ANK1: variants seen among roughly 807,000 people sequenced by gnomAD.
The protein encoded by ANK1 is ankyrin 1.
Under a neutral mutation model 210.4 loss-of-function variants are expected in ANK1, and 51 were observed. The observed-to-expected ratio is 0.24, with a 90% CI of 0.19 to 0.31. The LOEUF (loss-of-function observed/expected upper bound fraction) is 0.31. ANK1 is among the 10% of genes least tolerant of loss of function. The probability of loss-of-function intolerance (pLI) is 1.00; values close to 1 mark genes in which losing one functional copy is unlikely to be tolerated. For missense variants in ANK1, 2,051 were observed against 2,504.4 expected (o/e 0.82, Z 3.86); for synonymous variants, 967 against 1,025.9 (o/e 0.94, Z 1.10).
chr8:41,852,634 T>G (rs1811471737), intron 1 of ANK1, among the ~76,000 whole-genome samples: 1 of 152,202 alleles, frequency 6.6e-6, no homozygotes, highest in Admixed American at 6.5e-5. Flanking sequence ...ACAATCTCAT[T>G]TCATCCCTTA....
intron 1 of ANK1, among the ~76,000 whole-genome samples, chr8:41,763,441 A>T (rs1840914893): frequency 6.6e-6 from 1 of 152,114 alleles, no homozygotes; most frequent in African/African-American, 2.4e-5. Flanking sequence ...GAGGTGATGA[A>T]ACTGAGGTTT....
chr8:41,672,995 A>C (rs1436306973), intron 37 of ANK1, 83 bp from the exon 38 acceptor site: 10 of 1,382,220 alleles, frequency 7.2e-6, no homozygotes, highest in African/African-American at 7.2e-5. Context: ...CACACGCACG[A>C]ACACACACAT....
intron 23 of ANK1, among the ~76,000 whole-genome samples, chr8:41,698,883 G>A (rs1010006813): frequency 3.3e-5 from 5 of 151,962 alleles, no homozygotes; most frequent in East Asian, 1.9e-4. Flanking sequence ...TACAACCTCC[G>A]CCTCCCGGGT....
chr8:41,861,095 G>A (rs1435092496), intron 1 of ANK1, among the ~76,000 whole-genome samples: 1 of 152,204 alleles, frequency 6.6e-6, no homozygotes, highest in African/African-American at 2.4e-5. Flanking sequence ...GTGTGGCTGA[G>A]GATGAGGGCT....
intron 1 of ANK1, among the ~76,000 whole-genome samples, chr8:41,863,410 G>A (rs1459164229): frequency 6.6e-6 from 1 of 151,922 alleles, no homozygotes; most frequent in Non-Finnish European, 1.5e-5. Context: ...TTTCATTATA[G>A]AGAAATTAGA....
intron 23 of ANK1, among the ~76,000 whole-genome samples, chr8:41,698,557 A>C (rs1821760455): frequency 6.6e-6 from 1 of 152,102 alleles, no homozygotes; most frequent in Non-Finnish European, 1.5e-5. Flanking sequence ...TTCAGAAAAC[A>C]CCTAGGGCTC....
At chr8:41,848,003 G>A (rs1291678085) in intron 1 of ANK1, among the ~76,000 whole-genome samples, 1 of 151,956 alleles carries the variant, frequency 6.6e-6, no homozygotes, top group East Asian at 1.9e-4. Flanking sequence ...TGGCCAACAT[G>A]GTAAAACTCT....
At chr8:41,758,668 G>T (rs1316617301) in intron 1 of ANK1, among the ~76,000 whole-genome samples, 2 of 152,030 alleles carry the variant, frequency 1.3e-5, no homozygotes, top group East Asian at 1.9e-4. Flanking sequence ...ATAAGCAAAC[G>T]TTCTTGGCTT....
intron 8 of ANK1, 49 bp from the exon 9 acceptor site, chr8:41,723,272 A>G: frequency 6.3e-7 from 1 of 1,590,502 alleles, no homozygotes. Flanking sequence ...CAGCTATCAG[A>G]GGCCATTTGG....
intron 2 of ANK1, among the ~76,000 whole-genome samples, chr8:41,749,776 C>T (rs1272581885): frequency 6.6e-6 from 1 of 152,016 alleles, no homozygotes; most frequent in African/African-American, 2.4e-5. Context: ...CAACGCTTGG[C>T]TAATTTTGTA....
At position 41,679,707 on chromosome 8, in the gene ANK1, C is replaced by T. The variant is rs1025285595; in HGVS notation, c.4537+4837G>A. On this transcript the variant is annotated intron_variant, in intron 37 of 42. Coordinates refer to ENST00000289734, the MANE Select transcript of ANK1 (RefSeq NM_000037.4). ...CCTCCCGAGTAGCTGGGACTACAGG[C>T]GCCCACCATCACGCCAGGCTAATTT... Among the ~76,000 whole-genome samples the T allele has an allele frequency of 5.3e-5, 8 of 150,778 alleles. No homozygotes were observed. The East Asian group carries it at 5.9e-4, about 11-fold the overall frequency.
At position 41,686,146 on chromosome 8, in the gene ANK1, A is replaced by G. The variant is rs1817628758; in HGVS notation, c.4390+6T>C. The G allele has an allele frequency of 6.2e-7, 1 of 1,614,092 alleles. No homozygotes were observed. Among genetic ancestry groups the G allele is most frequent in the South Asian group, 1.1e-5 (1 of 91,084 alleles). ...GGACAGGCTTCCTCAGTGGGACGGT[A>G]CTGACTGTTTGCGTTTTGGCCTTCA... On this transcript the variant is annotated splice_donor_region_variant and intron_variant, in intron 36 of 42. Coordinates refer to ENST00000289734, the MANE Select transcript of ANK1 (RefSeq NM_000037.4).
intron 1 of ANK1, among the ~76,000 whole-genome samples, chr8:41,864,229 G>C (rs1167590254): frequency 7.3e-6 from 1 of 137,438 alleles, no homozygotes; most frequent in Non-Finnish European, 1.5e-5. Flanking sequence ...CAGCCTGGGT[G>C]ACAGAGTGAG....
chr8:41,728,957 C>T (rs556957921), intron 3 of ANK1, among the ~76,000 whole-genome samples: 2 of 152,154 alleles, frequency 1.3e-5, no homozygotes, highest in Non-Finnish European at 1.5e-5. Flanking sequence ...GGCCTGGGAG[C>T]GCCAGGAAAG....
chr8:41,663,744 T>G lies in ANK1; in HGVS notation c.5395-2A>C, dbSNP rs949308336. 14 of 1,611,976 alleles carry G rather than the reference T, an allele frequency of 8.7e-6. No homozygotes were observed. The highest frequency in any genetic ancestry group is 1.1e-5 in the Non-Finnish European group (13 of 1,178,104). ...TGGAATATTCTGAAACTCATTCCCC[T>G]GGAATTAGAGAAAGGGAGAAAATGC... On this transcript the variant is annotated splice_acceptor_variant, in intron 39 of 42. Transcript: ENST00000289734. LOFTEE classifies it high-confidence loss of function.
intron 6 of ANK1, among the ~76,000 whole-genome samples, 167 bp from the exon 7 acceptor site, chr8:41,724,721 C>G (rs1321624676): frequency 6.6e-6 from 1 of 152,132 alleles, no homozygotes; most frequent in Non-Finnish European, 1.5e-5. Context: ...CTTTATGGCA[C>G]AGTGTATTCA....
At chr8:41,747,888 G>A (rs1836583564) in intron 2 of ANK1, among the ~76,000 whole-genome samples, 1 of 152,180 alleles carries the variant, frequency 6.6e-6, no homozygotes, top group South Asian at 2.1e-4. Context: ...TTCCTTGGCT[G>A]CAGAGGAAGG....
chr8:41,721,452 T>A (rs954983107), intron 9 of ANK1, among the ~76,000 whole-genome samples: 1 of 151,780 alleles, frequency 6.6e-6, no homozygotes, highest in African/African-American at 2.4e-5. Context: ...AGGCCAGGAG[T>A]TCGAGACCAG....
At chr8:41,827,465 C>T (rs1249494211) in intron 1 of ANK1, among the ~76,000 whole-genome samples, 1 of 152,180 alleles carries the variant, frequency 6.6e-6, no homozygotes, top group Non-Finnish European at 1.5e-5. Context: ...GAGATGCAAA[C>T]TCTCCACATA....
Sources: allele counts gnomAD v4.1 joint callset (sites outside exome capture counted in the v4.1 genomes callset), GRCh38; gene constraint gnomAD v4.1.1; transcripts MANE v1.5; gene names NCBI Gene and HGNC (gene_info 2026-07-23, HGNC 2026-07-21).